ALKBH1: variants seen among roughly 807,000 people sequenced by gnomAD.
ALKBH1 encodes the protein nucleic acid dioxygenase ALKBH1.
A neutral mutation model predicts 36.6 loss-of-function variants in ALKBH1; 31 were observed. The ratio of observed to expected loss-of-function variants is 0.85; its 90% confidence interval spans 0.64 to 1.14. The LOEUF (loss-of-function observed/expected upper bound fraction) is 1.14, where lower values mean the gene tolerates loss of function less well. ALKBH1 is among the 50% of genes most tolerant of loss of function. The pLI is 0.00. For synonymous variants in ALKBH1, 183 were observed against 186.6 expected, an observed-to-expected ratio of 0.98 and a Z score of 0.16; for missense variants, 490 against 497.3, an observed-to-expected ratio of 0.99 and a Z score of 0.14.
intron 2 of ALKBH1, chr14:77,696,633 C>G (rs1220230304): frequency 6.6e-6 from 1 of 152,364 alleles, no homozygotes; most frequent in African/African-American, 2.4e-5. Context: ...AGCTCATTGG[C>G]TGCGAGGGAG....
At position 77,694,886 on chromosome 14, in the gene ALKBH1, G is replaced by T. The variant is rs374257735; in HGVS notation, c.307C>A (p.Pro103Thr). The change falls in exon 3 of 6, where the codon CCA becomes ACA. Residue 103 changes from proline to threonine, a missense_variant. Transcript: ENST00000216489. The part of the protein sequence containing the change: ...LKGYPGFIFI[P>T]NPFLPGYQWH... Reference sequence around the variant, plus strand: ...TGGTAACCTGGGAGGAAGGGGTTTGGGATAAAAATAAACCCTATACAAAAG... The same window carrying T: ...TGGTAACCTGGGAGGAAGGGGTTTGTGATAAAAATAAACCCTATACAAAAG... The T allele has an allele frequency of 5.1e-6, 8 of 1,556,618 alleles. No individual in the cohort carries two copies. The African/African-American group carries it at 9.7e-5, about 19-fold the overall frequency.
intron 2 of ALKBH1, among the ~76,000 whole-genome samples, chr14:77,700,479 T>C (rs1418792159): frequency 6.6e-6 from 1 of 152,212 alleles, no homozygotes; most frequent in African/African-American, 2.4e-5. Context: ...AGTAATCTGA[T>C]TTTTCATATG....
At chr14:77,699,747 C>T (rs533109294) in intron 2 of ALKBH1, among the ~76,000 whole-genome samples, 1 of 152,244 alleles carries the variant, frequency 6.6e-6, no homozygotes, top group African/African-American at 2.4e-5. Flanking sequence ...CAAACCTATG[C>T]TCTTTGCATT....
chr14:77,703,977 C>T (rs575972563), intron 2 of ALKBH1, among the ~76,000 whole-genome samples: 8 of 152,234 alleles, frequency 5.3e-5, no homozygotes, highest in Admixed American at 3.3e-4. Context: ...GTTGTTATGC[C>T]ATTTGAGAAT....
At chr14:77,683,183 A>T in intron 3 of ALKBH1, 1 of 569,442 alleles carries the variant, frequency 1.8e-6, no homozygotes, top group South Asian at 1.7e-5. Flanking sequence ...CAAACAGTCC[A>T]GGGGTATTTT....
chr14:77,674,158 A>G lies in ALKBH1; in HGVS notation c.824T>C (p.Ile275Thr). The change falls in exon 6 of 6, where the codon ATC becomes ACC. Residue 275 changes from isoleucine to threonine, a missense_variant. Ile to Thr is a moderately conservative substitution (Grantham distance 89, BLOSUM62 -1). Transcript: ENST00000216489. ...PTAMFMHSGD[I>T]MIMSGFSRLL... Reference sequence around the variant, plus strand: ...GCGGCTGAAACCCGACATTATCATGATGTCACCACTGTGCATAAACATGGC... The same window carrying G: ...GCGGCTGAAACCCGACATTATCATGGTGTCACCACTGTGCATAAACATGGC... 6.2e-7 allele frequency: 1 copy of G among 1,614,216 alleles called. No homozygotes were observed. The highest frequency in any genetic ancestry group is 8.5e-7 in the Non-Finnish European group (1 of 1,180,032).
intron 2 of ALKBH1, 28 bp downstream of exon 2, chr14:77,704,341 T>C (rs756499346): frequency 6.7e-7 from 1 of 1,496,488 alleles, no homozygotes; most frequent in Non-Finnish European, 9.3e-7. Flanking sequence ...TGAGTGATAT[T>C]GCCTTCTCTG....
Position 77,675,649 on chromosome 14 carries a change from A to C in ALKBH1, c.740+7T>G. 2 of 1,591,918 alleles carry C rather than the reference A, an allele frequency of 1.3e-6. No individual in the cohort carries two copies. The highest frequency in any genetic ancestry group is 2.2e-5 in the East Asian group (1 of 44,508). The stretch of plus-strand genomic sequence containing the variant: ...AAAGTAATCCCAAATCCCTGGAACT[A>C]ACTCACCTGAATGACAGCAAGGGTT... On this transcript the variant is annotated splice_region_variant and intron_variant, in intron 5 of 5. Transcript: ENST00000216489.
rs775805561 is a variant in ALKBH1 at position 77,704,478 on chromosome 14, C to G, written c.184-1G>C. 1 of 1,613,008 alleles carries G rather than the reference C, an allele frequency of 6.2e-7. No homozygotes were observed. The highest frequency in any genetic ancestry group is 2.2e-5 in the East Asian group (1 of 44,878). The stretch of plus-strand genomic sequence containing the variant: ...ACACATTTAGCTGAGATTTGATCAC[C>G]TGGCAGGAAGGAAACAGAAGTTAAA... On this transcript the variant is annotated splice_acceptor_variant, in intron 1 of 5. Coordinates refer to ENST00000216489, the MANE Select transcript of ALKBH1 (RefSeq NM_006020.3). LOFTEE classifies it high-confidence loss of function.
chr14:77,690,043 G>A (rs2080288976), intron 3 of ALKBH1, among the ~76,000 whole-genome samples: 1 of 152,018 alleles, frequency 6.6e-6, no homozygotes, highest in Non-Finnish European at 1.5e-5. Flanking sequence ...AAGAATGAGG[G>A]GAAGTAGGAG....
At chr14:77,707,713 G>A in intron 1 of ALKBH1, 109 bp downstream of exon 1, 1 of 1,302,386 alleles carries the variant, frequency 7.7e-7, no homozygotes, top group Non-Finnish European at 1.0e-6. Flanking sequence ...GTCAGGAATC[G>A]TTCAATAACA....
chr14:77,694,851 C>T lies in ALKBH1; in HGVS notation c.342G>A (p.Trp114Ter). ...AATATAACTTAAGGCACTGTTTCAC[C>T]CAGTGCCACTGGTAACCTGGGAGGA... ...NPFLPGYQWH[W>*]VKQCLKLYSQ... The change falls in exon 3 of 6, where the codon TGG becomes TGA. Residue 114 changes from tryptophan (W) to a stop codon, truncating the protein, a stop_gained. Coordinates refer to ENST00000216489, the MANE Select transcript of ALKBH1 (RefSeq NM_006020.3). LOFTEE classifies it high-confidence loss of function. The T allele has an allele frequency of 6.3e-7, 1 of 1,593,074 alleles. No homozygotes were observed. The highest frequency in any genetic ancestry group is 1.3e-5 in the African/African-American group (1 of 74,344).
intron 2 of ALKBH1, among the ~76,000 whole-genome samples, chr14:77,699,803 C>T (rs2080348754): frequency 6.6e-6 from 1 of 152,130 alleles, no homozygotes; most frequent in Non-Finnish European, 1.5e-5. Context: ...TGCCTGTAAT[C>T]CCAGCACTTT....
In ALKBH1 at chr14:77,694,716, C is replaced by A. The variant is rs772373246; in HGVS notation, c.455+22G>T. The A allele has an allele frequency of 1.9e-6, 3 of 1,561,480 alleles. No homozygotes were observed. The South Asian group carries it at 3.8e-5, about 20-fold the overall frequency. ...TGATCTGAGCTGAGTATTAACACTT[C>A]ATTCTGATTGACAAGACTTACCTCA... On this transcript the variant is annotated intron_variant, in intron 3 of 5. Coordinates refer to ENST00000216489, the MANE Select transcript of ALKBH1 (RefSeq NM_006020.3).
intron 1 of ALKBH1, among the ~76,000 whole-genome samples, chr14:77,705,247 T>C (rs924512046): frequency 1.3e-5 from 2 of 152,078 alleles, no homozygotes; most frequent in Non-Finnish European, 2.9e-5. Context: ...ACCCCGTCTC[T>C]ACTAAAAATA....
Position 77,693,814 on chromosome 14 carries a change from C to T in ALKBH1, c.455+924G>A, listed in dbSNP as rs537204046. Among the ~76,000 whole-genome samples the T allele has an allele frequency of 1.7e-3, 258 of 152,190 alleles. 2 individuals carry two copies. The Middle Eastern group carries it at 0.024, about 14-fold the overall frequency. ...CCAGCCTGGCCAACATGGCGAAACC[C>T]CATCTCTACTAAAAATACAAAAATT... is the stretch of plus-strand genomic sequence containing the variant. On this transcript the variant is annotated intron_variant, in intron 3 of 5. Transcript: ENST00000216489.
At chr14:77,686,612 A>AT (rs2080269728) in intron 3 of ALKBH1, among the ~76,000 whole-genome samples, 1 of 151,986 alleles carries the variant, frequency 6.6e-6, no homozygotes, top group Non-Finnish European at 1.5e-5. Context: ...AAGCGTTGGC[A>AT]TTTCTCTTAG....
rs879794546 is a variant in ALKBH1, at chr14:77,703,297, C to CT, written c.292+1071dup. The stretch of plus-strand genomic sequence containing the variant: ...CTCGCCTGGTCCCTATTAGGACTTT[C>CT]TTTTTTTTTTTTTTGAGATGGAGTC... On this transcript the variant is annotated intron_variant, in intron 2 of 5. Transcript: ENST00000216489. Among the ~76,000 whole-genome samples the CT allele has an allele frequency of 4.2e-3, 595 of 140,610 alleles. 4 individuals are homozygous for CT. The highest frequency in any genetic ancestry group is 0.011 in the African/African-American group (429 of 38,592). 92.2% of individuals were successfully genotyped at this position (140,610 alleles called of 152,430 possible). A position where few individuals can be genotyped will look rare whatever the true frequency, so the allele number is the denominator to read the frequency against.
intron 3 of ALKBH1, among the ~76,000 whole-genome samples, chr14:77,693,224 A>AAACAAC (rs369220185): frequency 3.2e-5 from 4 of 126,410 alleles, no homozygotes; most frequent in African/African-American, 3.1e-5. Flanking sequence ...AAAAAAAAAA[A>AAACAAC]TTTTTTTTCA....
Sources: gnomAD v4.1 joint callset for allele counts (sites outside exome capture counted in the v4.1 genomes callset) on GRCh38, gnomAD v4.1.1 for gene constraint, MANE v1.5 for transcripts, NCBI Gene and HGNC (gene_info 2026-07-23, HGNC 2026-07-21) for gene names.